The following RRAS2 variants were observed in gnomAD, a reference collection of about 807,000 sequenced individuals.
RRAS2 encodes ras-related protein R-Ras2.
Under a neutral mutation model 27.6 loss-of-function variants are expected in RRAS2, and 7 were observed. That is an observed-to-expected ratio of 0.25 (90% CI 0.14 to 0.48). RRAS2 has a LOEUF of 0.48. Ranked by LOEUF, RRAS2 falls within the 20% of genes least tolerant of loss-of-function variation. The pLI is 0.99. For synonymous variants in RRAS2, 86 were observed against 90.9 expected, an observed-to-expected ratio of 0.95 and a Z score of 0.31; for missense variants, 178 against 256.2, an observed-to-expected ratio of 0.69 and a Z score of 2.08.
intron 4 of RRAS2, among the ~76,000 whole-genome samples, chr11:14,290,137 A>C (rs1171021458): frequency 1.3e-5 from 2 of 152,196 alleles, no homozygotes; most frequent in Non-Finnish European, 2.9e-5. Flanking sequence ...GGACACCTTT[A>C]ATTGTGAAGA....
chr11:14,312,348 C>G (rs1271199433), intron 1 of RRAS2, among the ~76,000 whole-genome samples: 2 of 152,202 alleles, frequency 1.3e-5, no homozygotes, highest in African/African-American at 4.8e-5. Context: ...TTGTTGTGTA[C>G]TTAATACCTA....
At chr11:14,339,714 G>T (rs1435054889) in intron 1 of RRAS2, among the ~76,000 whole-genome samples, 1 of 152,060 alleles carries the variant, frequency 6.6e-6, no homozygotes, top group African/African-American at 2.4e-5. Context: ...AAGTTAAAAA[G>T]AATTTTTTTA....
At chr11:14,306,038 C>A (rs2133977039) in intron 1 of RRAS2, among the ~76,000 whole-genome samples, 1 of 151,988 alleles carries the variant, frequency 6.6e-6, no homozygotes, top group South Asian at 2.1e-4. Flanking sequence ...GACTGAGATC[C>A]TATCCCCCAC....
At chr11:14,328,170 C>T (rs1299114200) in intron 1 of RRAS2, among the ~76,000 whole-genome samples, 1 of 151,960 alleles carries the variant, frequency 6.6e-6, no homozygotes, top group Non-Finnish European at 1.5e-5. Context: ...GAGTTCGAGA[C>T]CAGCCTGACC....
chr11:14,312,898 T>C (rs968609457), intron 1 of RRAS2, among the ~76,000 whole-genome samples: 7 of 152,186 alleles, frequency 4.6e-5, no homozygotes, highest in Non-Finnish European at 1.0e-4. Flanking sequence ...GCAAATGTTC[T>C]CAACCAGAGA....
chr11:14,329,630 A>G (rs1293724187), intron 1 of RRAS2, among the ~76,000 whole-genome samples: 2 of 152,236 alleles, frequency 1.3e-5, no homozygotes, highest in African/African-American at 4.8e-5. Flanking sequence ...CAGCAAAAAC[A>G]TACCTTTTCT....
In RRAS2 at chr11:14,351,603, G is replaced by A. The variant is rs188201788; in HGVS notation, c.108+7160C>T. On this transcript the variant is annotated intron_variant, in intron 1 of 5. Coordinates refer to ENST00000256196, the MANE Select transcript of RRAS2 (RefSeq NM_012250.6). ...TTAGTAGCCGGGCATGGTGGCAAGC[G>A]CCTGTAATCCCAGCTACTCGGGAGG... Among the ~76,000 whole-genome samples, 417 of 152,162 alleles carry A rather than the reference G, an allele frequency of 2.7e-3. 1 individual carries two copies. The highest frequency in any genetic ancestry group is 9.6e-3 in the African/African-American group (400 of 41,510).
At chr11:14,352,020 T>G (rs532905685) in intron 1 of RRAS2, among the ~76,000 whole-genome samples, 1 of 152,160 alleles carries the variant, frequency 6.6e-6, no homozygotes. Flanking sequence ...AAACCATATA[T>G]TGCAGGGAAT....
rs548391750 is a variant in RRAS2 at position 14,310,703 on chromosome 11, C to T, written c.109-14848G>A. On this transcript the variant is annotated intron_variant, in intron 1 of 5. Coordinates refer to ENST00000256196, the MANE Select transcript of RRAS2 (RefSeq NM_012250.6). ...TATAAGTTACTGATAAACTGGGACT[C>T]AAAGAGGATGCTAATAATAATTACA... 2.6e-5 allele frequency among the ~76,000 whole-genome samples: 4 copies of T among 152,246 alleles called. No homozygotes were observed. The East Asian group carries it at 7.7e-4, about 29-fold the overall frequency.
intron 1 of RRAS2, among the ~76,000 whole-genome samples, chr11:14,349,318 A>ATT (rs782247910): frequency 3.6e-5 from 5 of 138,964 alleles, no homozygotes; most frequent in Non-Finnish European, 6.3e-5. Context: ...CACCCGGCTA[A>ATT]TTTTTTTTTT....
In RRAS2 at chr11:14,285,954, A is replaced by C. The variant is rs531070745; in HGVS notation, c.409-4234T>G. Among the ~76,000 whole-genome samples, 20 of 151,928 alleles carry C rather than the reference A, an allele frequency of 1.3e-4. No individual in the cohort carries two copies. The South Asian group carries it at 4.0e-3, about 30-fold the overall frequency. On this transcript the variant is annotated intron_variant, in intron 4 of 5. Transcript: ENST00000256196. Reference sequence around the variant, plus strand: ...TATTTCTTGTGCTCCGGGTTTGTTGAGCTTCTTGGATGTGTGTATTTTTCA... The same window carrying C: ...TATTTCTTGTGCTCCGGGTTTGTTGCGCTTCTTGGATGTGTGTATTTTTCA...
intron 1 of RRAS2, chr11:14,356,801 CTTTTT>C (rs34757328): frequency 9.4e-4 from 350 of 372,862 alleles, no homozygotes; most frequent in East Asian, 1.6e-3. Context: ...GCAATTAATG[CTTTTT>C]TTTTTTTTTT....
intron 1 of RRAS2, among the ~76,000 whole-genome samples, chr11:14,317,881 C>T (rs139937654): frequency 2.0e-5 from 3 of 152,182 alleles, no homozygotes; most frequent in East Asian, 3.9e-4. Flanking sequence ...AGGTGAGCTA[C>T]GATTGCACCA....
chr11:14,350,712 CA>C (rs879963796), intron 1 of RRAS2, among the ~76,000 whole-genome samples: 14 of 148,650 alleles, frequency 9.4e-5, no homozygotes, highest in South Asian at 2.1e-4. Context: ...AAAAAAATTG[CA>C]AAAAAAAAAT....
chr11:14,291,241 AT>A (rs1397795108), intron 4 of RRAS2, among the ~76,000 whole-genome samples: 3 of 152,244 alleles, frequency 2.0e-5, no homozygotes, highest in Non-Finnish European at 4.4e-5. Context: ...GTATGTAAAA[AT>A]TATCCAAACA....
intron 1 of RRAS2, among the ~76,000 whole-genome samples, chr11:14,334,605 GGGACTC>G (rs1554952355): frequency 1.3e-5 from 2 of 151,354 alleles, no homozygotes; most frequent in African/African-American, 4.9e-5. Flanking sequence ...TTATCTAGCT[GGGACTC>G]CCATCAAGTT....
intron 1 of RRAS2, among the ~76,000 whole-genome samples, chr11:14,306,871 CATT>C (rs1183104397): frequency 7.2e-6 from 1 of 139,350 alleles, no homozygotes; most frequent in African/African-American, 2.7e-5. Flanking sequence ...GTAAGACCAT[CATT>C]ATTTTATGTG....
intron 1 of RRAS2, among the ~76,000 whole-genome samples, chr11:14,296,353 C>G (rs902038125): frequency 6.6e-6 from 1 of 152,150 alleles, no homozygotes; most frequent in Non-Finnish European, 1.5e-5. Context: ...ACCAAATGTT[C>G]TTATGAGCAC....
chr11:14,301,490 A>AT, intron 1 of RRAS2, among the ~76,000 whole-genome samples: 1 of 151,194 alleles, frequency 6.6e-6, no homozygotes, highest in East Asian at 1.9e-4. Context: ...TTCGTCTTTT[A>AT]TTTTTTACTT....
Sources: allele counts gnomAD v4.1 joint callset (sites outside exome capture counted in the v4.1 genomes callset), GRCh38; gene constraint gnomAD v4.1.1; transcripts MANE v1.5; gene names NCBI Gene and HGNC (gene_info 2026-07-23, HGNC 2026-07-21).